Variants in MYO16 observed in about 807,000 individuals in gnomAD.
The protein encoded by MYO16 is unconventional myosin-XVI.
A neutral mutation model predicts 205.3 loss-of-function variants in MYO16; 94 were observed. The observed-to-expected ratio is 0.46, with a 90% confidence interval of 0.39 to 0.54. The LOEUF (loss-of-function observed/expected upper bound fraction) is 0.54. Ranked by LOEUF, MYO16 falls within the 20% of genes least tolerant of loss-of-function variation. The pLI, the probability that MYO16 is intolerant of heterozygous loss-of-function variation, is 0.00. For synonymous variants in MYO16, 988 were observed against 954.0 expected (o/e 1.04, Z -0.66); for missense variants, 2,315 against 2,387.5 (o/e 0.97, Z 0.63).
chr13:108,555,328 A>G, the MYO16 span, among the ~76,000 whole-genome samples: 1 of 152,322 alleles, frequency 6.6e-6, no homozygotes, highest in African/African-American at 2.4e-5. Flanking sequence ...TAAATTGACA[A>G]ATAAAAATTG....
chr13:109,042,448 T>C (rs989619204), intron 23 of MYO16, among the ~76,000 whole-genome samples: 2 of 152,124 alleles, frequency 1.3e-5, no homozygotes, highest in Admixed American at 1.3e-4. Context: ...TCACAAAAAT[T>C]TGCAAGATGT....
chr13:108,767,072 T>A (rs1243730280), intron 4 of MYO16, among the ~76,000 whole-genome samples: 1 of 151,616 alleles, frequency 6.6e-6, no homozygotes, highest in Non-Finnish European at 1.5e-5. Flanking sequence ...TTGTTCTTGT[T>A]GTATCTGGGT....
intron 31 of MYO16, among the ~76,000 whole-genome samples, chr13:109,135,130 C>A (rs1236709159): frequency 6.6e-6 from 1 of 152,178 alleles, no homozygotes; most frequent in Non-Finnish European, 1.5e-5. Flanking sequence ...CTGATCCCCC[C>A]ACACAAGCAA....
chr13:109,084,129 TAGA>T (rs1888364732), intron 27 of MYO16, among the ~76,000 whole-genome samples: 3 of 152,326 alleles, frequency 2.0e-5, no homozygotes, highest in African/African-American at 4.8e-5. Flanking sequence ...TCTAAAAGTG[TAGA>T]AGAAGACACA....
At chr13:108,659,736 T>G (rs563203632) in intron 1 of MYO16, among the ~76,000 whole-genome samples, 2 of 152,284 alleles carry the variant, frequency 1.3e-5, no homozygotes, top group East Asian at 3.9e-4. Context: ...TCAACATAAT[T>G]GTCCGTTCTG....
At chr13:108,573,410 T>C in the MYO16 span, among the ~76,000 whole-genome samples, 1 of 152,364 alleles carries the variant, frequency 6.6e-6, no homozygotes, top group East Asian at 1.9e-4. Context: ...AAATGCTACT[T>C]AAGCTCAAAT....
intron 1 of MYO16, among the ~76,000 whole-genome samples, chr13:108,598,715 T>G (rs1272893408): frequency 6.6e-6 from 1 of 152,198 alleles, no homozygotes; most frequent in Admixed American, 6.5e-5. Context: ...CTCGCACCAT[T>G]TTTATTCATT....
chr13:108,986,043 C>T (rs1363258559), intron 20 of MYO16, among the ~76,000 whole-genome samples: 1 of 152,172 alleles, frequency 6.6e-6, no homozygotes. Context: ...GCACATCTTA[C>T]ATGGCAGCAG....
Position 109,141,655 on chromosome 13 carries a change from G to A in MYO16, c.5164+279G>A, listed in dbSNP as rs1877103814. Among the ~76,000 whole-genome samples, 2 of 152,306 alleles carry A rather than the reference G, an allele frequency of 1.3e-5. No homozygotes were observed. Among genetic ancestry groups the A allele is most frequent in the Non-Finnish European group, 2.9e-5 (2 of 68,028 alleles). On this transcript the variant is annotated intron_variant, in intron 32 of 34. Coordinates refer to ENST00000457511, the MANE Select transcript of MYO16 (RefSeq NM_001198950.3). This position sits in a 1 kb window ranked among gnomAD's most constrained non-coding sequence, Gnocchi z 4.1. ...TTTAATAAATTATAACTTGATAAAT[G>A]TTCGACAGAGCAAGGTTAAATGTTA... is the stretch of plus-strand genomic sequence containing the variant.
At chr13:108,586,328 C>T in the MYO16 span, among the ~76,000 whole-genome samples, 8 of 151,818 alleles carry the variant, frequency 5.3e-5, no homozygotes, top group African/African-American at 1.7e-4. Flanking sequence ...TATGAAATAT[C>T]CTTATTTGAC....
At chr13:108,648,020 T>C (rs1225791369) in intron 1 of MYO16, among the ~76,000 whole-genome samples, 1 of 152,212 alleles carries the variant, frequency 6.6e-6, no homozygotes, top group Non-Finnish European at 1.5e-5. Flanking sequence ...TTCATGAAGT[T>C]TATGGTCTAT....
At chr13:108,737,058 A>G (rs1325092073) in intron 4 of MYO16, among the ~76,000 whole-genome samples, 1 of 152,206 alleles carries the variant, frequency 6.6e-6, no homozygotes, top group Non-Finnish European at 1.5e-5. Flanking sequence ...GGGGTTTTCT[A>G]GATATACAGT....
In MYO16 at chr13:109,046,781, G is replaced by A. The variant is rs547299978; in HGVS notation, c.2797-135G>A. On this transcript the variant is annotated intron_variant, in intron 23 of 34. Transcript: ENST00000457511. ...TTATAGCTTGGAACTTGCATGTAAC[G>A]TGAACTGTAAGACCTGAAGACACTT... The A allele has an allele frequency of 1.9e-4, 125 of 674,730 alleles. 1 individual carries two copies. In the South Asian group the frequency reaches 1.9e-3, roughly 10 times the overall value. The allele number at this position is 674,730 out of a possible 1,614,324, so 41.8% of individuals were successfully genotyped here. A position where few individuals can be genotyped will look rare whatever the true frequency, so the allele number is the denominator to read the frequency against.
At chr13:109,033,422 C>T (rs1367091779) in intron 23 of MYO16, among the ~76,000 whole-genome samples, 2 of 152,154 alleles carry the variant, frequency 1.3e-5, no homozygotes, top group East Asian at 1.9e-4. Context: ...TTTATACCTT[C>T]AAGAGCTCCA....
At chr13:109,120,574 C>T (rs1875943301) in intron 29 of MYO16, 108 bp downstream of exon 29, 1 of 678,486 alleles carries the variant, frequency 1.5e-6, no homozygotes, top group African/African-American at 1.8e-5. Flanking sequence ...CCTAGTGGAC[C>T]ACTCTCTCGA....
At chr13:108,578,400 G>C in the MYO16 span, among the ~76,000 whole-genome samples, 6 of 152,140 alleles carry the variant, frequency 3.9e-5, no homozygotes, top group African/African-American at 1.2e-4. Flanking sequence ...ACCCAAATGG[G>C]AGCAATTATG....
At chr13:108,918,493 G>C (rs889603074) in intron 16 of MYO16, among the ~76,000 whole-genome samples, 1 of 152,228 alleles carries the variant, frequency 6.6e-6, no homozygotes. Context: ...TAGAGGTTAA[G>C]TAGCAGCCTG....
At chr13:108,510,121 G>C in the MYO16 span, among the ~76,000 whole-genome samples, 2 of 151,990 alleles carry the variant, frequency 1.3e-5, no homozygotes, top group Non-Finnish European at 2.9e-5. Flanking sequence ...GTTTGTTTTC[G>C]TTTTTTGTTT....
chr13:108,540,666 G>C, the MYO16 span, among the ~76,000 whole-genome samples: 1 of 152,060 alleles, frequency 6.6e-6, no homozygotes, highest in African/African-American at 2.4e-5. Context: ...TGGAGTATAA[G>C]TTCCTTAGGT....
Sources: gnomAD v4.1 joint callset for allele counts (sites outside exome capture counted in the v4.1 genomes callset) on GRCh38, gnomAD v4.1.1 for gene constraint, Gnocchi (gnomAD v3.1) non-coding constraint, MANE v1.5 for transcripts, NCBI Gene and HGNC (gene_info 2026-07-23, HGNC 2026-07-21) for gene names.